The following HEATR5A variants were observed in gnomAD, a reference collection of about 807,000 sequenced individuals.
The protein encoded by HEATR5A is HEAT repeat containing 5A, also known as HEAT repeat-containing protein 5A.
A neutral mutation model predicts 218.8 loss-of-function variants in HEATR5A; 178 were observed. That is an observed-to-expected ratio of 0.81 (90% confidence interval 0.72 to 0.92). HEATR5A has a LOEUF of 0.92. Ranked by LOEUF, HEATR5A falls within the 40% of genes least tolerant of loss-of-function variation. The pLI, the probability that HEATR5A is intolerant of heterozygous loss-of-function variation, is 0.00. For missense variants in HEATR5A, 2,420 were observed against 2,418.9 expected (o/e 1.00, Z -0.01); for synonymous variants, 864 against 871.6 (o/e 0.99, Z 0.15).
intron 7 of HEATR5A, among the ~76,000 whole-genome samples, chr14:31,387,931 T>G (rs927400784): frequency 1.3e-5 from 2 of 152,176 alleles, no homozygotes; most frequent in Non-Finnish European, 2.9e-5. Context: ...AGACTACAGT[T>G]TCAGGATAGT....
At chr14:31,320,728 T>A (rs151043264) in intron 25 of HEATR5A, 4 of 362,414 alleles carry the variant, frequency 1.1e-5, no homozygotes, top group Non-Finnish European at 2.1e-5. Context: ...CTTGTTTTTT[T>A]ATTTTTGTTT....
chr14:31,294,599 C>T lies in HEATR5A; in HGVS notation c.5620-495G>A, dbSNP rs188304388. Among the ~76,000 whole-genome samples, 86 of 151,940 alleles carry T rather than the reference C, an allele frequency of 5.7e-4. 1 individual carries two copies. The East Asian group carries it at 8.1e-3, about 14-fold the overall frequency. On this transcript the variant is annotated intron_variant, in intron 34 of 35. Transcript: ENST00000543095. ...TAATTTTTTGTATTTTTAGTAGAGA[C>T]GGGGTTTCACCTCGTTGGTCAGGCT...
rs781684066 is a variant in HEATR5A at position 31,402,865 on chromosome 14, C to T, written c.111G>A (p.Leu37=). The change falls in exon 2 of 36, where the codon TTG becomes TTA. Residue 37 remains leucine, a synonymous_variant. Transcript: ENST00000543095. ...TTTTACCCACCCTGCTGGTTGCCAACAAGAGCTTCTCCAAGTATCTCAACC... is the reference window on the plus strand; with the variant it reads ...TTTTACCCACCCTGCTGGTTGCCAATAAGAGCTTCTCCAAGTATCTCAACC... ...FEWLRYLEKL[L]LATSRNDVRE... 5 of 1,536,436 alleles carry T rather than the reference C, an allele frequency of 3.3e-6. No individual in the cohort carries two copies. The African/African-American group carries it at 4.1e-5, about 13-fold the overall frequency.
At chr14:31,326,475 T>C in intron 22 of HEATR5A, 133 bp from the exon 23 acceptor site, 2 of 661,134 alleles carry the variant, frequency 3.0e-6, no homozygotes, top group Non-Finnish European at 2.6e-6. Context: ...TACTGTGCTT[T>C]AATCTACTGA....
At position 31,347,792 on chromosome 14, in the gene HEATR5A, T is replaced by C. The variant is rs762760797; in HGVS notation, c.2824A>G (p.Ile942Val). The C allele has an allele frequency of 1.2e-6, 2 of 1,612,248 alleles. No homozygotes were observed. Among genetic ancestry groups the C allele is most frequent in the Non-Finnish European group, 1.7e-6 (2 of 1,179,182 alleles). ...CTGTCCTGCGCCAAAGTATAAAGGA[T>C]TCCAATACAAGAATTTAGGTGTTGA... ...SSQHLNSCIGILYTLAQDSTS... is the reference protein window; with the variant it reads ...SSQHLNSCIGVLYTLAQDSTS... The change falls in exon 19 of 36, where the codon ATC (isoleucine) becomes GTC (valine). Residue 942 changes from isoleucine (I) to valine (V), a missense_variant. By Grantham distance (29) the Ile-to-Val change is conservative. Transcript: ENST00000543095.
At chr14:31,315,491 A>C (rs1015508875) in intron 27 of HEATR5A, among the ~76,000 whole-genome samples, 1 of 152,204 alleles carries the variant, frequency 6.6e-6, no homozygotes, top group African/African-American at 2.4e-5. Context: ...ATTTCCAATA[A>C]TTCAGGATTC....
intron 16 of HEATR5A, among the ~76,000 whole-genome samples, chr14:31,351,316 A>G (rs1488372821): frequency 1.3e-5 from 2 of 152,060 alleles, no homozygotes; most frequent in Admixed American, 1.3e-4. Context: ...ACACAGTGAG[A>G]CCTCTGATGC....
intron 22 of HEATR5A, among the ~76,000 whole-genome samples, chr14:31,328,733 A>T (rs531872643): frequency 6.6e-6 from 1 of 152,044 alleles, no homozygotes. Context: ...ACAAAAAATT[A>T]GCCAGGCATG....
At chr14:31,409,988 G>T (rs116680847) in intron 1 of HEATR5A, among the ~76,000 whole-genome samples, 4 of 152,068 alleles carry the variant, frequency 2.6e-5, no homozygotes, top group Non-Finnish European at 1.5e-5. Context: ...TCATTTCAAG[G>T]GCGGAAAAGG....
At chr14:31,343,105 T>C (rs74980215) in intron 21 of HEATR5A, among the ~76,000 whole-genome samples, 1 of 151,768 alleles carries the variant, frequency 6.6e-6, no homozygotes, top group African/African-American at 2.4e-5. Context: ...TTTTTTTTTT[T>C]CCTGAGACGG....
At chr14:31,351,697 G>A (rs1439892442) in intron 16 of HEATR5A, among the ~76,000 whole-genome samples, 4 of 151,868 alleles carry the variant, frequency 2.6e-5, no homozygotes, top group African/African-American at 7.3e-5. Flanking sequence ...TTGCAGCCTC[G>A]ACCTCCTGGG....
Position 31,403,915 on chromosome 14 carries a change from ATTT to A in HEATR5A, c.-74-869_-74-867del, listed in dbSNP as rs539611626. Among the ~76,000 whole-genome samples the A allele has an allele frequency of 1.3e-3, 192 of 152,306 alleles. 1 individual carries two copies. Among genetic ancestry groups the A allele is most frequent in the African/African-American group, 4.1e-3 (170 of 41,558 alleles). ...GATGGAATTGTGATTACTAGACAGA[ATTT>A]TTTATTTTTAGGACATGGATGCTTT... On this transcript the variant is annotated intron_variant, in intron 1 of 35. Transcript: ENST00000543095.
At chr14:31,328,565 A>C (rs1801004778) in intron 22 of HEATR5A, among the ~76,000 whole-genome samples, 1 of 152,128 alleles carries the variant, frequency 6.6e-6, no homozygotes, top group African/African-American at 2.4e-5. Context: ...GACATACCCA[A>C]GACTGGGTAA....
chr14:31,390,318 T>C (rs2030402884), intron 6 of HEATR5A, among the ~76,000 whole-genome samples: 1 of 152,028 alleles, frequency 6.6e-6, no homozygotes, highest in East Asian at 1.9e-4. Context: ...ACGAGTGATA[T>C]AATATGTCAT....
At position 31,337,599 on chromosome 14, in the gene HEATR5A, G is replaced by C. The variant is rs1431497061; in HGVS notation, c.3244C>G (p.Pro1082Ala). ...VSCLCVNLCS[P>A]YLLLRRAVLA... ...ACTGCTCTTCTCAGTAACAAGTAGGGGCTACAAAGATTCACCTGAAAAATA... is the reference window on the plus strand; with the variant it reads ...ACTGCTCTTCTCAGTAACAAGTAGGCGCTACAAAGATTCACCTGAAAAATA... Residue 1082 changes from proline (P) to alanine (A), a missense_variant, in exon 22 of 36, where the codon CCC becomes GCC. Transcript: ENST00000543095. The C allele has an allele frequency of 2.5e-6, 4 of 1,600,684 alleles. No individual in the cohort carries two copies. Among genetic ancestry groups the C allele is most frequent in the Non-Finnish European group, 3.4e-6 (4 of 1,173,778 alleles).
At chr14:31,382,954 C>T (rs1325982729) in intron 10 of HEATR5A, among the ~76,000 whole-genome samples, 2 of 151,650 alleles carry the variant, frequency 1.3e-5, no homozygotes, top group Non-Finnish European at 2.9e-5. Context: ...GCATTTCCTG[C>T]CCCAGACCTG....
chr14:31,381,933 G>T (rs557176238), intron 10 of HEATR5A, among the ~76,000 whole-genome samples: 1 of 152,180 alleles, frequency 6.6e-6, no homozygotes, highest in Non-Finnish European at 1.5e-5. Flanking sequence ...AAAGCAGGAA[G>T]TATTATGAGT....
In HEATR5A at chr14:31,337,626, C is replaced by A; in HGVS notation, c.3229-12G>T. On this transcript the variant is annotated splice_polypyrimidine_tract_variant and intron_variant, in intron 21 of 35. Transcript: ENST00000543095. ...CTACAAAGATTCACCTGAAAAATAC[C>A]ATTTGAGGAACGACAGAGCTAAAAT... is the stretch of plus-strand genomic sequence containing the variant. 1 of 1,595,114 alleles carries A rather than the reference C, an allele frequency of 6.3e-7. No homozygotes were observed. The highest frequency in any genetic ancestry group is 2.3e-5 in the East Asian group (1 of 44,328).
intron 32 of HEATR5A, among the ~76,000 whole-genome samples, chr14:31,303,936 TG>T (rs1282403616): frequency 2.0e-5 from 3 of 152,076 alleles, no homozygotes; most frequent in African/African-American, 7.2e-5. Flanking sequence ...CTGGGCATGG[TG>T]GCTCACACCT....
Sources: gnomAD v4.1 joint callset for allele counts (sites outside exome capture counted in the v4.1 genomes callset) on GRCh38, gnomAD v4.1.1 for gene constraint, MANE v1.5 for transcripts, NCBI Gene and HGNC (gene_info 2026-07-23, HGNC 2026-07-21) for gene names.